The following PTPRO variants were observed in gnomAD, a reference collection of about 807,000 sequenced individuals.
PTPRO encodes the protein receptor-type tyrosine-protein phosphatase O.
Under a neutral mutation model 145.2 loss-of-function variants are expected in PTPRO, and 62 were observed. The observed-to-expected ratio is 0.43, with a 90% confidence interval of 0.35 to 0.53. PTPRO has a LOEUF of 0.53. Among genes scored for constraint, PTPRO ranks in the 20% least tolerant of loss-of-function variants. The pLI, the probability that PTPRO is intolerant of heterozygous loss-of-function variation, is 0.01. For synonymous variants in PTPRO, 565 were observed against 514.7 expected, an observed-to-expected ratio of 1.10 and a Z score of -1.32; for missense variants, 1,345 against 1,482.7, an observed-to-expected ratio of 0.91 and a Z score of 1.53.
At chr12:15,496,432 CAA>C (rs1235986005) in intron 2 of PTPRO, among the ~76,000 whole-genome samples, 1 of 152,024 alleles carries the variant, frequency 6.6e-6, no homozygotes, top group Non-Finnish European at 1.5e-5. Flanking sequence ...GACCCCAAAC[CAA>C]ATTATTTAAC....
At chr12:15,382,164 A>T (rs1938881327) in intron 1 of PTPRO, among the ~76,000 whole-genome samples, 1 of 148,292 alleles carries the variant, frequency 6.7e-6, no homozygotes, top group Admixed American at 6.8e-5. Flanking sequence ...TGAGAAATAT[A>T]TATATATATA....
intron 17 of PTPRO, among the ~76,000 whole-genome samples, chr12:15,562,757 A>G (rs1401347310): frequency 1.0e-5 from 1 of 100,126 alleles, no homozygotes; most frequent in African/African-American, 3.4e-5. Flanking sequence ...TTTTTTTTTT[A>G]CTGCCATAAT....
At chr12:15,425,710 T>C (rs1218076464) in intron 1 of PTPRO, among the ~76,000 whole-genome samples, 3 of 68,854 alleles carry the variant, frequency 4.4e-5, no homozygotes, top group African/African-American at 1.2e-4. Context: ...TTATTTGAAA[T>C]GATAAATTAT....
chr12:15,549,041 A>T (rs1591716545), intron 13 of PTPRO, 53 bp from the exon 14 acceptor site: 19 of 1,561,488 alleles, frequency 1.2e-5, no homozygotes, highest in East Asian at 2.3e-5. Flanking sequence ...ATATATTTTT[A>T]AAAAATATAG....
At chr12:15,507,237 A>C (rs1334149002) in intron 6 of PTPRO, among the ~76,000 whole-genome samples, 1 of 152,004 alleles carries the variant, frequency 6.6e-6, no homozygotes, top group African/African-American at 2.4e-5. Flanking sequence ...ACATGGTGAA[A>C]TCTTCTCTCT....
intron 12 of PTPRO, among the ~76,000 whole-genome samples, chr12:15,530,894 A>T (rs1942948460): frequency 6.6e-6 from 1 of 152,146 alleles, no homozygotes; most frequent in African/African-American, 2.4e-5. Flanking sequence ...AAATAAATGA[A>T]ATTGAGACTA....
At chr12:15,390,763 AGATGGTCTGAGAGG>A (rs1939167723) in intron 1 of PTPRO, among the ~76,000 whole-genome samples, 2 of 101,018 alleles carry the variant, frequency 2.0e-5, no homozygotes. Context: ...GCTGGGTAAG[AGATGGTCTGAGAGG>A]ATAAGAAATG....
intron 7 of PTPRO, among the ~76,000 whole-genome samples, chr12:15,512,812 A>G (rs141370185): frequency 1.3e-5 from 2 of 152,056 alleles, no homozygotes; most frequent in Non-Finnish European, 1.5e-5. Flanking sequence ...TGACCAACAT[A>G]ATGAAACCCT....
intron 18 of PTPRO, among the ~76,000 whole-genome samples, chr12:15,566,804 A>G (rs1241714276): frequency 6.6e-6 from 1 of 152,164 alleles, no homozygotes; most frequent in Non-Finnish European, 1.5e-5. Flanking sequence ...TACAGGCATG[A>G]GGCACCGTGT....
At chr12:15,551,405 A>G in intron 14 of PTPRO, 146 bp from the exon 15 acceptor site, 1 of 1,058,950 alleles carries the variant, frequency 9.4e-7, no homozygotes, top group South Asian at 1.3e-5. Flanking sequence ...GGAAGAGGTC[A>G]TTGCTGGCTT....
At chr12:15,555,894 T>C (rs891541818) in intron 15 of PTPRO, among the ~76,000 whole-genome samples, 3 of 152,238 alleles carry the variant, frequency 2.0e-5, no homozygotes, top group Non-Finnish European at 4.4e-5. Flanking sequence ...AATTAGTATA[T>C]TCAATGTCAA....
intron 8 of PTPRO, among the ~76,000 whole-genome samples, chr12:15,516,409 AAG>A (rs1454537611): frequency 6.6e-6 from 1 of 150,872 alleles, no homozygotes; most frequent in African/African-American, 2.4e-5. Context: ...GAAAGAAAGA[AAG>A]AGAGAAAGGA....
chr12:15,512,099 G>GT (rs35805298), intron 7 of PTPRO, among the ~76,000 whole-genome samples: 47,474 of 150,822 alleles, frequency 0.31, 7,941 homozygotes, highest in Middle Eastern at 0.39. Flanking sequence ...ATGGAGCAAT[G>GT]TTTTTTTGTT....
chr12:15,509,023 T>G (rs1942380635), intron 7 of PTPRO, among the ~76,000 whole-genome samples: 1 of 152,220 alleles, frequency 6.6e-6, no homozygotes, highest in Non-Finnish European at 1.5e-5. Context: ...TGAGCATCTA[T>G]GATGTGCCAG....
rs1178017473 is a variant in PTPRO at position 15,516,483 on chromosome 12, GA to G, written c.1586-279del. ...AGAAAGAGAGAGAAAAAGAAAAAGAGAGAGAAAGGAAAGAAAGAAAAGAAAG... is the reference window on the plus strand; with the variant it reads ...AGAAAGAGAGAGAAAAAGAAAAAGAGGAGAAAGGAAAGAAAGAAAAGAAAG... On this transcript the variant is annotated intron_variant, in intron 8 of 26. Transcript: ENST00000281171. 5.6e-5 allele frequency among the ~76,000 whole-genome samples: 5 copies of G among 89,386 alleles called. No individual in the cohort carries two copies. The East Asian group carries it at 1.2e-3, about 22-fold the overall frequency. The allele number at this position is 89,386 out of a possible 152,430, so 58.6% of individuals were successfully genotyped here.
intron 1 of PTPRO, among the ~76,000 whole-genome samples, chr12:15,442,296 T>C (rs1477673795): frequency 1.3e-5 from 2 of 152,064 alleles, no homozygotes; most frequent in Non-Finnish European, 2.9e-5. Flanking sequence ...AATCCAACAA[T>C]TTTTTGTGAT....
Position 15,597,932 on chromosome 12 carries a change from A to C in PTPRO, c.*1859A>C, listed in dbSNP as rs1451752085. Among the ~76,000 whole-genome samples, 1 of 152,336 alleles carries C rather than the reference A, an allele frequency of 6.6e-6. No individual in the cohort carries two copies. The highest frequency in any genetic ancestry group is 1.9e-4 in the East Asian group (1 of 5,186). On this transcript the variant is annotated 3_prime_UTR_variant, in exon 27 of 27. Coordinates refer to ENST00000281171, the MANE Select transcript of PTPRO (RefSeq NM_030667.3). ...ATGGGCAGTCAGGAGTGAAATGTGCAACCTTGGAAGAGCTGATACAATGTA... is the reference window on the plus strand; with the variant it reads ...ATGGGCAGTCAGGAGTGAAATGTGCCACCTTGGAAGAGCTGATACAATGTA...
intron 1 of PTPRO, among the ~76,000 whole-genome samples, chr12:15,471,032 A>G (rs1941527710): frequency 6.6e-6 from 1 of 152,158 alleles, no homozygotes; most frequent in South Asian, 2.1e-4. Context: ...TCTCACATGT[A>G]TATTACCTGC....
chr12:15,493,753 A>T (rs1475077621), intron 2 of PTPRO, among the ~76,000 whole-genome samples: 1 of 152,196 alleles, frequency 6.6e-6, no homozygotes, highest in Non-Finnish European at 1.5e-5. Context: ...CTGAGGCTAG[A>T]CTATCTGACA....
Sources: gnomAD v4.1 joint callset for allele counts (sites outside exome capture counted in the v4.1 genomes callset) on GRCh38, gnomAD v4.1.1 for gene constraint, MANE v1.5 for transcripts, NCBI Gene and HGNC (gene_info 2026-07-23, HGNC 2026-07-21) for gene names.